RCAN1: variants seen among roughly 807,000 people sequenced by gnomAD.
The protein encoded by RCAN1 is regulator of calcineurin 1.
Under a neutral mutation model 22.9 loss-of-function variants are expected in RCAN1, and 11 were observed. The observed-to-expected ratio is 0.48, with a 90% CI of 0.30 to 0.79. RCAN1 has a LOEUF of 0.79. Ranked by LOEUF, RCAN1 falls within the 30% of genes least tolerant of loss-of-function variation. The probability of loss-of-function intolerance (pLI) is 0.06; values close to 1 mark genes in which losing one functional copy is unlikely to be tolerated. For synonymous variants in RCAN1, 136 were observed against 142.3 expected (o/e 0.96, Z 0.32); for missense variants, 291 against 337.8 (o/e 0.86, Z 1.09).
At chr21:34,566,202 A>C (rs900414558) in intron 1 of RCAN1, among the ~76,000 whole-genome samples, 4 of 152,222 alleles carry the variant, frequency 2.6e-5, no homozygotes, top group African/African-American at 9.6e-5. Context: ...CCAGCCCCAG[A>C]GTGGATTGCT....
chr21:34,614,562 G>T lies in RCAN1; in HGVS notation c.252+198C>A, dbSNP rs1321664129. 2 of 989,494 alleles carry T rather than the reference G, an allele frequency of 2.0e-6. No individual in the cohort carries two copies. Among genetic ancestry groups the T allele is most frequent in the East Asian group, 1.2e-4 (2 of 16,106 alleles). 61.3% of individuals were successfully genotyped at this position (989,494 alleles called of 1,614,324 possible). ...TCTGCAGTGAGCTCCGCGCGCCCCG[G>T]GGGTGCTAGGGGACCGGGACCCTCG... On this transcript the variant is annotated intron_variant, in intron 1 of 3. Transcript: ENST00000313806. The surrounding 1 kb of genome is among the most constrained non-coding windows in gnomAD (Gnocchi z 6.0).
chr21:34,602,185 C>T (rs909780090), intron 1 of RCAN1, among the ~76,000 whole-genome samples: 1 of 152,158 alleles, frequency 6.6e-6, no homozygotes, highest in African/African-American at 2.4e-5. Flanking sequence ...ACCATCTAGA[C>T]CTCTTTACAG....
At chr21:34,588,539 T>G (rs1017933810) in intron 1 of RCAN1, among the ~76,000 whole-genome samples, 1 of 152,220 alleles carries the variant, frequency 6.6e-6, no homozygotes, top group African/African-American at 2.4e-5. Flanking sequence ...TAACAAGAGT[T>G]GGCAAGGAGG....
intron 1 of RCAN1, among the ~76,000 whole-genome samples, chr21:34,591,874 G>C (rs554375291): frequency 6.6e-6 from 1 of 152,268 alleles, no homozygotes; most frequent in South Asian, 2.1e-4. Flanking sequence ...CGGGATTTCA[G>C]CTCTAAAAAG....
At chr21:34,521,821 A>C in intron 2 of RCAN1, 163 bp from the exon 3 acceptor site, 1 of 620,224 alleles carries the variant, frequency 1.6e-6, no homozygotes, top group Non-Finnish European at 2.8e-6. Context: ...TGGGGAGGGC[A>C]AAAGGACATA....
chr21:34,551,364 A>T (rs1986359799), intron 1 of RCAN1, among the ~76,000 whole-genome samples: 1 of 152,210 alleles, frequency 6.6e-6, no homozygotes, highest in East Asian at 1.9e-4. Context: ...ACAAACCCTG[A>T]ATCACATTTC....
At chr21:34,536,598 C>A (rs896217343) in intron 1 of RCAN1, among the ~76,000 whole-genome samples, 1 of 152,206 alleles carries the variant, frequency 6.6e-6, no homozygotes, top group Non-Finnish European at 1.5e-5. Context: ...CTGCAGCATT[C>A]CATACTCTCC....
At chr21:34,603,531 C>T (rs1306183967) in intron 1 of RCAN1, among the ~76,000 whole-genome samples, 1 of 152,152 alleles carries the variant, frequency 6.6e-6, no homozygotes, top group East Asian at 1.9e-4. Flanking sequence ...CTATTGAGCA[C>T]CCTTGAGGAA....
At chr21:34,546,647 A>G (rs1303651224) in intron 1 of RCAN1, among the ~76,000 whole-genome samples, 2 of 152,220 alleles carry the variant, frequency 1.3e-5, no homozygotes, top group African/African-American at 4.8e-5. Flanking sequence ...ACTAACAATA[A>G]TTATGAGTCT....
intron 1 of RCAN1, among the ~76,000 whole-genome samples, chr21:34,564,816 C>T (rs934372536): frequency 3.3e-5 from 5 of 151,950 alleles, no homozygotes; most frequent in Non-Finnish European, 5.9e-5. Context: ...TGGGGAGGGG[C>T]CAACATGTCA....
At chr21:34,549,886 CCAGA>C (rs1438623157) in intron 1 of RCAN1, among the ~76,000 whole-genome samples, 2 of 152,134 alleles carry the variant, frequency 1.3e-5, no homozygotes, top group Non-Finnish European at 2.9e-5. Flanking sequence ...ACCATGCCAC[CCAGA>C]CAGACTCCAG....
chr21:34,521,835 A>G (rs1206175700), intron 2 of RCAN1, 177 bp from the exon 3 acceptor site: 2 of 585,548 alleles, frequency 3.4e-6, no homozygotes, highest in Non-Finnish European at 6.0e-6. Context: ...GGACATATGA[A>G]CTCTGGTTGT....
chr21:34,542,240 GA>G (rs1985943975), intron 1 of RCAN1, among the ~76,000 whole-genome samples: 1 of 152,186 alleles, frequency 6.6e-6, no homozygotes, highest in African/African-American at 2.4e-5. Flanking sequence ...CCTGTTGGGA[GA>G]AGGAATGTAT....
chr21:34,527,171 G>A (rs758293587), intron 1 of RCAN1, among the ~76,000 whole-genome samples: 1 of 152,068 alleles, frequency 6.6e-6, no homozygotes, highest in African/African-American at 2.4e-5. Context: ...CGAATGGGAC[G>A]ACCCTTCTTA....
chr21:34,586,315 G>A (rs1368327843), intron 1 of RCAN1, among the ~76,000 whole-genome samples: 1 of 151,950 alleles, frequency 6.6e-6, no homozygotes, highest in Non-Finnish European at 1.5e-5. Flanking sequence ...TACAAAGCAA[G>A]TCTGAAAAAA....
intron 1 of RCAN1, among the ~76,000 whole-genome samples, chr21:34,562,763 A>G (rs2123666692): frequency 1.3e-5 from 2 of 152,284 alleles, no homozygotes; most frequent in South Asian, 4.1e-4. Context: ...CAATAATAAT[A>G]ACATGGTACC....
chr21:34,555,014 A>G (rs1307273340), intron 1 of RCAN1, among the ~76,000 whole-genome samples: 1 of 152,244 alleles, frequency 6.6e-6, no homozygotes, highest in African/African-American at 2.4e-5. Context: ...TATGGGAGCT[A>G]CAAGAAGAGA....
In RCAN1 at chr21:34,518,979, G is replaced by A. The variant is rs1465671773; in HGVS notation, c.587-723C>T. Among the ~76,000 whole-genome samples, 1 of 152,190 alleles carries A rather than the reference G, an allele frequency of 6.6e-6. No homozygotes were observed. The highest frequency in any genetic ancestry group is 1.5e-5 in the Non-Finnish European group (1 of 68,030). Reference sequence around the variant, plus strand: ...GACTGGGGCCTCCCGCTGGGGTGCCGCTCTGGCCACGGGAAGAGTGTGCAT... The same window carrying A: ...GACTGGGGCCTCCCGCTGGGGTGCCACTCTGGCCACGGGAAGAGTGTGCAT... On this transcript the variant is annotated intron_variant, in intron 3 of 3. Coordinates refer to ENST00000313806, the MANE Select transcript of RCAN1 (RefSeq NM_004414.7). This position sits in a 1 kb window ranked among gnomAD's most constrained non-coding sequence, Gnocchi z 4.2.
At chr21:34,608,710 G>A (rs1232731199) in intron 1 of RCAN1, among the ~76,000 whole-genome samples, 1 of 152,108 alleles carries the variant, frequency 6.6e-6, no homozygotes, top group Non-Finnish European at 1.5e-5. Flanking sequence ...CTAAGTGTTG[G>A]GTTTGTTACA....
Sources: allele counts gnomAD v4.1 joint callset (sites outside exome capture counted in the v4.1 genomes callset), GRCh38; gene constraint gnomAD v4.1.1; non-coding constraint Gnocchi (gnomAD v3.1); transcripts MANE v1.5; gene names NCBI Gene and HGNC (gene_info 2026-07-23, HGNC 2026-07-21).